The following CUL2 variants were observed in gnomAD, a reference collection of about 807,000 sequenced individuals.
The protein encoded by CUL2 is cullin-2.
A neutral mutation model predicts 110.2 loss-of-function variants in CUL2; 22 were observed. The observed-to-expected ratio is 0.20, with a 90% confidence interval of 0.14 to 0.28. The LOEUF (loss-of-function observed/expected upper bound fraction) is 0.28, where lower values mean the gene tolerates loss of function less well. Ranked by LOEUF, CUL2 falls within the 10% of genes least tolerant of loss-of-function variation. The pLI is 1.00. For synonymous variants in CUL2, 279 were observed against 293.2 expected, an observed-to-expected ratio of 0.95 and a Z score of 0.49; for missense variants, 631 against 905.5, an observed-to-expected ratio of 0.70 and a Z score of 3.89.
intron 1 of CUL2, among the ~76,000 whole-genome samples, chr10:35,073,770 A>C (rs1464898118): frequency 1.3e-5 from 2 of 151,912 alleles, no homozygotes; most frequent in East Asian, 3.9e-4. Context: ...ACACCCGGCT[A>C]ATTTTTTATT....
intron 1 of CUL2, among the ~76,000 whole-genome samples, chr10:35,121,121 C>A (rs1427531499): frequency 1.3e-5 from 2 of 152,176 alleles, no homozygotes; most frequent in African/African-American, 4.8e-5. Flanking sequence ...GTCATGTCTT[C>A]CTATAGGCGA....
chr10:35,024,685 G>A (rs984380580), intron 17 of CUL2, among the ~76,000 whole-genome samples: 1 of 152,188 alleles, frequency 6.6e-6, no homozygotes, highest in Non-Finnish European at 1.5e-5. Flanking sequence ...TGAAAATTAA[G>A]TAGGACTTTC....
At position 35,016,248 on chromosome 10, in the gene CUL2, T is replaced by C; in HGVS notation, c.1831A>G (p.Thr611Ala). 6.2e-7 allele frequency: 1 copy of C among 1,614,118 alleles called. No homozygotes were observed. The highest frequency in any genetic ancestry group is 8.5e-7 in the Non-Finnish European group (1 of 1,179,984). ...DSTQMNEKEL[T>A]KTIKSLLDVK... The stretch of plus-strand genomic sequence containing the variant: ...TCAAGTAATGATTTGATTGTTTTTG[T>C]CAGTTCCTTTTCATTCATCTGAGTG... The change falls in exon 18 of 21, where the codon ACA (threonine) becomes GCA (alanine). Residue 611 changes from threonine to alanine, a missense_variant. Thr to Ala is a moderately conservative substitution (Grantham distance 58, BLOSUM62 0). Around this residue, in one of 3 missense-constraint regions of CUL2, gnomAD observed 159 missense variants for 202.7 expected, o/e 0.78. Transcript: ENST00000374749.
intron 1 of CUL2, among the ~76,000 whole-genome samples, chr10:35,086,875 T>C (rs1320247363): frequency 1.3e-5 from 2 of 152,206 alleles, no homozygotes; most frequent in Admixed American, 6.6e-5. Flanking sequence ...AAAATACAAA[T>C]GTCAAAGTAA....
chr10:35,062,889 A>G, intron 3 of CUL2, 71 bp downstream of exon 3: 1 of 891,936 alleles, frequency 1.1e-6, no homozygotes, highest in Non-Finnish European at 1.8e-6. Flanking sequence ...AAAGTTCTAC[A>G]CTGGAAAACA....
At chr10:35,111,256 A>G (rs897082949) in intron 1 of CUL2, among the ~76,000 whole-genome samples, 1 of 145,128 alleles carries the variant, frequency 6.9e-6, no homozygotes, top group African/African-American at 2.5e-5. Context: ...TTATGAGAAG[A>G]TTTTTTTTTT....
intron 2 of CUL2, among the ~76,000 whole-genome samples, chr10:35,096,617 C>A (rs1044074830): frequency 3.9e-5 from 6 of 151,920 alleles, no homozygotes; most frequent in Non-Finnish European, 5.9e-5. Context: ...TATCTTTAAA[C>A]AAACAAATAA....
chr10:35,104,966 T>C (rs111736536), intron 1 of CUL2, among the ~76,000 whole-genome samples: 20,528 of 151,672 alleles, frequency 0.14, 1,581 homozygotes, highest in South Asian at 0.2. Flanking sequence ...CGACCTCAGA[T>C]GATCCACCCG....
At chr10:35,030,715 C>A (rs1391104037) in intron 14 of CUL2, among the ~76,000 whole-genome samples, 1 of 152,096 alleles carries the variant, frequency 6.6e-6, no homozygotes, top group East Asian at 1.9e-4. Flanking sequence ...AATTAAGTTT[C>A]TTTTTGGAGG....
chr10:35,029,002 G>T, intron 15 of CUL2, 115 bp from the exon 16 acceptor site: 1 of 618,874 alleles, frequency 1.6e-6, no homozygotes, highest in Non-Finnish European at 2.8e-6. Context: ...TCAAAATGTT[G>T]ATGAAATCTG....
intron 17 of CUL2, among the ~76,000 whole-genome samples, chr10:35,017,191 C>T (rs2085058496): frequency 6.6e-6 from 1 of 151,982 alleles, no homozygotes; most frequent in Non-Finnish European, 1.5e-5. Context: ...GTAATTTCTG[C>T]CAAAATTAAT....
chr10:35,067,315 GA>G (rs1463169268), intron 2 of CUL2, among the ~76,000 whole-genome samples: 1 of 152,062 alleles, frequency 6.6e-6, no homozygotes, highest in Non-Finnish European at 1.5e-5. Flanking sequence ...CCTCCAGTAG[GA>G]AAATGTCTAC....
intron 1 of CUL2, among the ~76,000 whole-genome samples, chr10:35,071,617 C>A (rs1589033933): frequency 6.6e-6 from 1 of 152,132 alleles, no homozygotes; most frequent in Non-Finnish European, 1.5e-5. Context: ...ACTGTGTTAG[C>A]CAGGATGGTC....
rs2134719633 is a variant in CUL2 at position 35,031,201 on chromosome 10, T to TGG, written c.1386+98_1386+99insCC. 2 of 730,428 alleles carry TGG rather than the reference T, an allele frequency of 2.7e-6. No homozygotes were observed. Among genetic ancestry groups the TGG allele is most frequent in the East Asian group, 5.1e-5 (2 of 38,968 alleles). 45.2% of individuals were successfully genotyped at this position (730,428 alleles called of 1,614,324 possible). On this transcript the variant is annotated intron_variant, in intron 14 of 20. Coordinates refer to ENST00000374749, the MANE Select transcript of CUL2 (RefSeq NM_003591.4). This position sits in a 1 kb window ranked among gnomAD's most constrained non-coding sequence, Gnocchi z 4.4. Reference sequence around the variant, plus strand: ...CTACACAAATACACATTTAACCAGATGAATTGTTTCCTGTTACTGTACACA... The same window carrying TGG: ...CTACACAAATACACATTTAACCAGATGGGAATTGTTTCCTGTTACTGTACACA...
At chr10:35,116,437 C>T (rs1418300968) in intron 1 of CUL2, among the ~76,000 whole-genome samples, 1 of 152,106 alleles carries the variant, frequency 6.6e-6, no homozygotes, top group Non-Finnish European at 1.5e-5. Context: ...ACAAAACTTA[C>T]TCTTTTTTAG....
intron 2 of CUL2, among the ~76,000 whole-genome samples, chr10:35,099,095 C>A (rs1467470828): frequency 6.6e-6 from 1 of 151,766 alleles, no homozygotes; most frequent in African/African-American, 2.4e-5. Context: ...GGTGGTTGAT[C>A]AATAATATTA....
intron 5 of CUL2, 36 bp downstream of exon 5, chr10:35,054,398 T>A (rs374247748): frequency 8.6e-7 from 1 of 1,158,622 alleles, no homozygotes; most frequent in East Asian, 2.5e-5. Context: ...TATAAAAACA[T>A]ACTTATGTTT....
chr10:35,018,133 A>AAC (rs1554853357), intron 17 of CUL2, among the ~76,000 whole-genome samples: 1 of 150,386 alleles, frequency 6.6e-6, no homozygotes, highest in Non-Finnish European at 1.5e-5. Flanking sequence ...AAAAAAAAAA[A>AAC]AAAACTAGCA....
chr10:35,100,811 G>C (rs1009000944), intron 2 of CUL2: 2 of 151,144 alleles, frequency 1.3e-5, no homozygotes, highest in African/African-American at 4.9e-5. Flanking sequence ...CAGGGGAGAG[G>C]GGTGTACCTT....
Sources: allele counts gnomAD v4.1 joint callset (sites outside exome capture counted in the v4.1 genomes callset), GRCh38; gene constraint gnomAD v4.1.1; regional missense constraint gnomAD v4.1.1; non-coding constraint Gnocchi (gnomAD v3.1); transcripts MANE v1.5; gene names NCBI Gene and HGNC (gene_info 2026-07-23, HGNC 2026-07-21).